Variants in UMAD1 observed in about 807,000 individuals in gnomAD.
UMAD1 encodes UBAP1-MVB12-associated (UMA)-domain containing protein 1.
In UMAD1, 8 loss-of-function variants were observed where a neutral mutation model predicts 6.1. That is an observed-to-expected ratio of 1.30 (90% CI 0.76 to 2.35). The LOEUF (loss-of-function observed/expected upper bound fraction) is 2.35. Among genes scored for constraint, UMAD1 ranks in the 30% most tolerant of loss-of-function variants. UMAD1 has a pLI of 0.00. For missense variants in UMAD1, 130 were observed against 78.4 expected (o/e 1.66, Z -2.49); for synonymous variants, 56 against 31.4 (o/e 1.78, Z -2.61).
intron 3 of UMAD1, among the ~76,000 whole-genome samples, chr7:7,867,897 A>C (rs56380429): frequency 3.5e-4 from 53 of 152,258 alleles, no homozygotes; most frequent in African/African-American, 1.2e-3. Flanking sequence ...GTGGATCTGC[A>C]GCCCTGGAAG....
chr7:7,731,416 T>A (rs1781249277), intron 2 of UMAD1, among the ~76,000 whole-genome samples: 1 of 150,892 alleles, frequency 6.6e-6, no homozygotes. Context: ...GAAATGATGA[T>A]GTCCTGGACT....
rs113694896 is a variant in UMAD1 at position 7,723,764 on chromosome 7, G to A, written c.82+50311G>A. 3.9e-3 allele frequency among the ~76,000 whole-genome samples: 590 copies of A among 152,288 alleles called. 5 individuals carry two copies. The highest frequency in any genetic ancestry group is 0.013 in the African/African-American group (559 of 41,560). On this transcript the variant is annotated intron_variant, in intron 2 of 3. Transcript: ENST00000682710. ...AGGGGCCAAGTGGTGGCACTCAGCCGTCAAAGGCAAGGTAGGCATAGCTAC... is the reference window on the plus strand; with the variant it reads ...AGGGGCCAAGTGGTGGCACTCAGCCATCAAAGGCAAGGTAGGCATAGCTAC...
intron 3 of UMAD1, among the ~76,000 whole-genome samples, chr7:7,818,169 G>A (rs145456688): frequency 5.5e-4 from 84 of 152,108 alleles, no homozygotes; most frequent in African/African-American, 1.9e-3. Flanking sequence ...AGACCCAGTT[G>A]TTCCCCTCTA....
intron 2 of UMAD1, chr7:7,687,334 C>G (rs961647454): frequency 2.0e-5 from 3 of 152,220 alleles, no homozygotes; most frequent in African/African-American, 7.2e-5. Flanking sequence ...CAGATCTGCA[C>G]TGACAAAAGG....
intron 3 of UMAD1, among the ~76,000 whole-genome samples, chr7:7,824,127 G>C (rs1783297895): frequency 6.6e-6 from 1 of 151,986 alleles, no homozygotes; most frequent in Admixed American, 6.6e-5. Context: ...CCGCTCCACA[G>C]AATCAGAGAG....
At chr7:7,778,667 T>A (rs1782277040) in intron 2 of UMAD1, among the ~76,000 whole-genome samples, 1 of 152,146 alleles carries the variant, frequency 6.6e-6, no homozygotes, top group Non-Finnish European at 1.5e-5. Flanking sequence ...CCTCCTACCT[T>A]GGCCTCCCAA....
chr7:7,727,098 G>A (rs772451671), intron 2 of UMAD1, among the ~76,000 whole-genome samples: 13 of 152,330 alleles, frequency 8.5e-5, no homozygotes, highest in African/African-American at 1.7e-4. Context: ...GTGTGCTGAA[G>A]GCAAAGGGAA....
intron 2 of UMAD1, among the ~76,000 whole-genome samples, chr7:7,763,587 G>A (rs1274209365): frequency 6.6e-6 from 1 of 152,190 alleles, no homozygotes; most frequent in East Asian, 1.9e-4. Flanking sequence ...ATTTAAGATT[G>A]AAATTTAGGC....
chr7:7,699,059 G>T (rs536518472), intron 2 of UMAD1, among the ~76,000 whole-genome samples: 4 of 138,130 alleles, frequency 2.9e-5, no homozygotes, highest in African/African-American at 1.1e-4. Context: ...TGGGGGGGGG[G>T]TAGATACCAG....
chr7:7,799,467 G>A (rs1158263292), intron 2 of UMAD1, among the ~76,000 whole-genome samples: 3 of 152,156 alleles, frequency 2.0e-5, no homozygotes, highest in Non-Finnish European at 1.5e-5. Flanking sequence ...TACACACCTC[G>A]AAATCAGAAA....
intron 2 of UMAD1, among the ~76,000 whole-genome samples, chr7:7,743,196 C>T (rs1781508102): frequency 6.6e-6 from 1 of 152,104 alleles, no homozygotes; most frequent in Admixed American, 6.5e-5. Context: ...TATACATTTA[C>T]ATACTTACAA....
intron 3 of UMAD1, among the ~76,000 whole-genome samples, chr7:7,824,887 C>T (rs1583853081): frequency 1.3e-5 from 2 of 152,196 alleles, no homozygotes; most frequent in East Asian, 3.9e-4. Flanking sequence ...AGAAAAATGG[C>T]TCTTGATTTT....
rs75070884 is a variant in UMAD1, at chr7:7,767,887, A to G, written c.83-33783A>G. 6.6e-4 allele frequency among the ~76,000 whole-genome samples: 100 copies of G among 152,322 alleles called. 2 individuals are homozygous for G. In the East Asian group the frequency reaches 0.017, roughly 26 times the overall value. On this transcript the variant is annotated intron_variant, in intron 2 of 3. Transcript: ENST00000682710. ...GTTCTACTGCCTTATATCCTTAAATACTGTATATGCTTTCTTGCTTCTTCA... is the reference window on the plus strand; with the variant it reads ...GTTCTACTGCCTTATATCCTTAAATGCTGTATATGCTTTCTTGCTTCTTCA...
intron 2 of UMAD1, among the ~76,000 whole-genome samples, chr7:7,717,184 G>T: frequency 6.6e-6 from 1 of 151,534 alleles, no homozygotes; most frequent in East Asian, 1.9e-4. Context: ...TGCCTCCCGC[G>T]TAGCTGGGAC....
chr7:7,824,997 G>A (rs751730113), intron 3 of UMAD1, among the ~76,000 whole-genome samples: 9 of 152,096 alleles, frequency 5.9e-5, no homozygotes, highest in Non-Finnish European at 1.0e-4. Context: ...TAGAGGGGTG[G>A]TCATGGGTAG....
intron 2 of UMAD1, among the ~76,000 whole-genome samples, chr7:7,690,344 C>T (rs1425930729): frequency 6.6e-6 from 1 of 151,918 alleles, no homozygotes; most frequent in Non-Finnish European, 1.5e-5. Context: ...CTTTTACCAT[C>T]CCAAATTTCT....
chr7:7,814,873 T>C (rs1783094113), intron 3 of UMAD1, among the ~76,000 whole-genome samples: 1 of 152,176 alleles, frequency 6.6e-6, no homozygotes, highest in African/African-American at 2.4e-5. Context: ...AGGGTCCTTA[T>C]TGATTTGAAG....
Position 7,668,986 on chromosome 7 carries a change from G to A in UMAD1, c.-63-4323G>A, listed in dbSNP as rs548616543. 2.1e-3 allele frequency among the ~76,000 whole-genome samples: 325 copies of A among 152,192 alleles called. 2 individuals carry two copies. Among genetic ancestry groups the A allele is most frequent in the African/African-American group, 6.4e-3 (265 of 41,528 alleles). On this transcript the variant is annotated intron_variant, in intron 1 of 3. Coordinates refer to ENST00000682710, the MANE Select transcript of UMAD1 (RefSeq NM_001302348.2). ...CCTAATGGACATAGCTTTGGGATGT[G>A]GGAAGAAACTGGAGTACTGGGGAGA...
chr7:7,753,824 A>AT (rs1781724607), intron 2 of UMAD1, among the ~76,000 whole-genome samples: 1 of 152,060 alleles, frequency 6.6e-6, no homozygotes, highest in South Asian at 2.1e-4. Context: ...TGGTAGCTCT[A>AT]TTTTTAGTTT....
Sources: allele counts gnomAD v4.1 joint callset (sites outside exome capture counted in the v4.1 genomes callset), GRCh38; gene constraint gnomAD v4.1.1; transcripts MANE v1.5; gene names NCBI Gene and HGNC (gene_info 2026-07-23, HGNC 2026-07-21).